Variants in TARBP1 observed in about 807,000 individuals in gnomAD.
TARBP1 encodes the protein tRNA guanosine 2 -O-methyltransferase TARBP1.
A neutral mutation model predicts 178.6 loss-of-function variants in TARBP1; 144 were observed. That is an observed-to-expected ratio of 0.81 (90% CI 0.70 to 0.93). The LOEUF is 0.93. Ranked by LOEUF, TARBP1 falls within the 40% of genes least tolerant of loss-of-function variation. The pLI, the probability that TARBP1 is intolerant of heterozygous loss-of-function variation, is 0.00. For synonymous variants in TARBP1, 787 were observed against 781.0 expected (o/e 1.01, Z -0.13); for missense variants, 2,067 against 2,011.7 (o/e 1.03, Z -0.53).
At chr1:234,459,386 T>C in intron 7 of TARBP1, 60 bp from the exon 8 acceptor site, 1 of 1,302,024 alleles carries the variant, frequency 7.7e-7, no homozygotes, top group South Asian at 1.3e-5. Flanking sequence ...TGATAATTTG[T>C]GATTATCAAC....
intron 6 of TARBP1, among the ~76,000 whole-genome samples, chr1:234,461,182 T>C (rs1357118825): frequency 6.6e-6 from 1 of 152,262 alleles, no homozygotes; most frequent in African/African-American, 2.4e-5. Context: ...GGGTGAATTC[T>C]ATCTCAATAA....
chr1:234,463,721 G>A (rs531096097), intron 6 of TARBP1, 116 bp downstream of exon 6: 5 of 541,090 alleles, frequency 9.2e-6, no homozygotes, highest in South Asian at 3.8e-5. Flanking sequence ...CCTGGAAAAG[G>A]AAACCATTTT....
chr1:234,392,656 G>T, intron 28 of TARBP1, 104 bp from the exon 29 acceptor site: 1 of 958,818 alleles, frequency 1.0e-6, no homozygotes, highest in Non-Finnish European at 1.5e-6. Context: ...CTCTTTAAAA[G>T]AAAAAGGAGA....
Position 234,450,570 on chromosome 1 carries a change from G to T in TARBP1, c.1723-4C>A, listed in dbSNP as rs1666647025. ...TAACACGTAGCCAGTCACACAGCTG[G>T]AAAAGAAAACAGTTATTACTTTATT... On this transcript the variant is annotated splice_polypyrimidine_tract_variant and splice_region_variant and intron_variant, in intron 9 of 29. Coordinates refer to ENST00000040877, the MANE Select transcript of TARBP1 (RefSeq NM_005646.4). 6.2e-7 allele frequency: 1 copy of T among 1,606,418 alleles called. No homozygotes were observed. The highest frequency in any genetic ancestry group is 1.3e-5 in the African/African-American group (1 of 74,424).
chr1:234,458,977 C>T (rs1667570248), intron 8 of TARBP1, among the ~76,000 whole-genome samples: 1 of 152,162 alleles, frequency 6.6e-6, no homozygotes, highest in East Asian at 1.9e-4. Flanking sequence ...CCACATTGAA[C>T]AAACACTTTA....
chr1:234,425,781 TTC>T lies in TARBP1; in HGVS notation c.3334_3335del (p.Glu1112ArgfsTer27). 1 of 1,584,938 alleles carries T rather than the reference TTC, an allele frequency of 6.3e-7. No individual in the cohort carries two copies. The highest frequency in any genetic ancestry group is 8.6e-7 in the Non-Finnish European group (1 of 1,157,540). On this transcript the variant is annotated frameshift_variant, in exon 20 of 30. Coordinates refer to ENST00000040877, the MANE Select transcript of TARBP1 (RefSeq NM_005646.4). LOFTEE classifies it high-confidence loss of function. ...ANIVMENTKREDHYVRICAVK... is the reference protein window; with the variant it reads ...ANIVMENTKRXDHYVRICAVK... ...CAGCACAAATTCTCACATAATGGTCTTCTCTCTTAGTACTAAAAAAATTAAAT... is the reference window on the plus strand; with the variant it reads ...CAGCACAAATTCTCACATAATGGTCTTCTCTTAGTACTAAAAAAATTAAAT...
chr1:234,430,424 A>AT, intron 14 of TARBP1, 123 bp from the exon 15 acceptor site: 8 of 768,866 alleles, frequency 1.0e-5, no homozygotes, highest in Non-Finnish European at 1.7e-5. Context: ...GCTCCTGAAT[A>AT]TCAGGAGAAA....
Position 234,472,737 on chromosome 1 carries a change from T to C in TARBP1, c.1006A>G (p.Met336Val). The C allele has an allele frequency of 6.2e-7, 1 of 1,601,188 alleles. No individual in the cohort carries two copies. Among genetic ancestry groups the C allele is most frequent in the Non-Finnish European group, 8.5e-7 (1 of 1,175,732 alleles). ...ACCTGATTTCCTTCTAAAGTCTCCA[T>C]AATTAAAATATAATTTTCCCAAAAC... ...LKFWENYILI[M>V]ETLEGNQIHV... Residue 336 changes from methionine to valine, a missense_variant, in exon 2 of 30, where the codon ATG becomes GTG. Transcript: ENST00000040877.
chr1:234,464,729 A>G (rs1668257674), intron 5 of TARBP1, among the ~76,000 whole-genome samples: 1 of 152,220 alleles, frequency 6.6e-6, no homozygotes. Flanking sequence ...GGGGGGAGGT[A>G]GTTCTGTTTA....
chr1:234,410,995 C>T (rs767341663), intron 22 of TARBP1, among the ~76,000 whole-genome samples: 27 of 152,088 alleles, frequency 1.8e-4, no homozygotes, highest in Non-Finnish European at 2.9e-5. Context: ...TTGCCTGAAC[C>T]CAGGGCAGAG....
Position 234,430,172 on chromosome 1 carries a change from G to A in TARBP1, c.2524C>T (p.Leu842Phe). Residue 842 changes from leucine to phenylalanine, a missense_variant, in exon 15 of 30, where the codon CTT becomes TTT. Physicochemically the swap from Leu to Phe is conservative, Grantham distance 22. Transcript: ENST00000040877. ...GTCTGATTGAGCTGAAGAGAGGAAA[G>A]GAAGCTTTCCAGGGGCCCAGCATGG... ...SLHAGPLESF[L>F]SSLQLNQTLQ... 6.2e-7 allele frequency: 1 copy of A among 1,614,202 alleles called. No homozygotes were observed. The highest frequency in any genetic ancestry group is 8.5e-7 in the Non-Finnish European group (1 of 1,180,016).
intron 26 of TARBP1, among the ~76,000 whole-genome samples, chr1:234,394,264 T>C (rs556896335): frequency 1.3e-5 from 2 of 152,334 alleles, no homozygotes; most frequent in African/African-American, 4.8e-5. Flanking sequence ...GAAAACAATA[T>C]AATAAAATAT....
intron 14 of TARBP1, 118 bp downstream of exon 14, chr1:234,433,292 T>C: frequency 8.8e-7 from 1 of 1,136,012 alleles, no homozygotes; most frequent in Non-Finnish European, 1.3e-6. Context: ...GGGTATATTT[T>C]AAAACTGAAT....
chr1:234,459,411 C>T (rs923983155), intron 7 of TARBP1, 85 bp from the exon 8 acceptor site: 2 of 1,028,228 alleles, frequency 1.9e-6, no homozygotes, highest in Middle Eastern at 2.1e-4. Flanking sequence ...TGATTTATAA[C>T]AACTACACTT....
At chr1:234,475,524 C>T (rs1669489657) in intron 1 of TARBP1, among the ~76,000 whole-genome samples, 1 of 152,228 alleles carries the variant, frequency 6.6e-6, no homozygotes, top group African/African-American at 2.4e-5. Context: ...ACACCCAAGA[C>T]CTACCACAGA....
At chr1:234,435,142 C>T (rs961721245) in intron 13 of TARBP1, among the ~76,000 whole-genome samples, 4 of 152,090 alleles carry the variant, frequency 2.6e-5, no homozygotes, top group African/African-American at 2.4e-5. Context: ...AATTGAGAGA[C>T]GGTTCTTTCA....
intron 12 of TARBP1, among the ~76,000 whole-genome samples, chr1:234,444,726 T>G (rs1665974901): frequency 6.6e-6 from 1 of 152,004 alleles, no homozygotes; most frequent in African/African-American, 2.4e-5. Flanking sequence ...AGAAAAGAAC[T>G]TCTACGACCT....
intron 5 of TARBP1, among the ~76,000 whole-genome samples, chr1:234,465,051 T>C (rs779469647): frequency 2.0e-5 from 3 of 148,140 alleles, no homozygotes; most frequent in African/African-American, 7.6e-5. Context: ...CGGTTCTTAA[T>C]ATGGATGGAT....
rs753314448 is a variant in TARBP1 at position 234,463,917 on chromosome 1, A to G, written c.1319T>C (p.Ile440Thr). 1.6e-5 allele frequency: 25 copies of G among 1,588,868 alleles called. No individual in the cohort carries two copies. The South Asian group carries it at 2.2e-4, about 14-fold the overall frequency. ...SLYSRSPGQP[I>T]GSCSPLGLKL... ...CAGTCCCAATGGAGAACAGCTTCCTATTGGCTGGCCTGGGGACCTACAAAC... is the reference window on the plus strand; with the variant it reads ...CAGTCCCAATGGAGAACAGCTTCCTGTTGGCTGGCCTGGGGACCTACAAAC... Residue 440 changes from isoleucine (I) to threonine (T), a missense_variant, in exon 6 of 30, where the codon ATA becomes ACA. Physicochemically the swap from Ile to Thr is moderately conservative, Grantham distance 89 (BLOSUM62 -1). Transcript: ENST00000040877.
Sources: gnomAD v4.1 joint callset for allele counts (sites outside exome capture counted in the v4.1 genomes callset) on GRCh38, gnomAD v4.1.1 for gene constraint, MANE v1.5 for transcripts, NCBI Gene and HGNC (gene_info 2026-07-23, HGNC 2026-07-21) for gene names.